The following RELN variants were observed in gnomAD, a reference collection of about 807,000 sequenced individuals.
RELN encodes the protein reelin.
RELN carries 108 observed loss-of-function variants against 427.6 expected under a neutral mutation model. The observed-to-expected ratio is 0.25, with a 90% CI of 0.22 to 0.30. The LOEUF is 0.30. Ranked by LOEUF, RELN falls within the 10% of genes least tolerant of loss-of-function variation. RELN has a pLI of 1.00. For missense variants in RELN, 3,715 were observed against 4,302.8 expected, an observed-to-expected ratio of 0.86 and a Z score of 3.82; for synonymous variants, 1,524 against 1,513.4, an observed-to-expected ratio of 1.01 and a Z score of -0.16.
chr7:103,496,856 T>C, intron 55 of RELN, 88 bp from the exon 56 acceptor site: 1 of 1,487,530 alleles, frequency 6.7e-7, no homozygotes. Flanking sequence ...TACTGTGAAC[T>C]TCCCAAAGAA....
intron 4 of RELN, among the ~76,000 whole-genome samples, chr7:103,759,033 A>C (rs141302080): frequency 2.6e-5 from 4 of 152,228 alleles, no homozygotes; most frequent in African/African-American, 9.6e-5. Flanking sequence ...AGATTTCTAA[A>C]ATTAATAAGC....
chr7:103,835,522 T>C (rs533375843), intron 2 of RELN, among the ~76,000 whole-genome samples: 1 of 152,284 alleles, frequency 6.6e-6, no homozygotes, highest in South Asian at 2.1e-4. Context: ...ATGTTGACGG[T>C]AGGGGAGGTT....
intron 6 of RELN, among the ~76,000 whole-genome samples, chr7:103,734,719 T>G (rs1259984248): frequency 6.6e-6 from 1 of 152,178 alleles, no homozygotes; most frequent in African/African-American, 2.4e-5. Flanking sequence ...GCCTGATTTC[T>G]TATCCAATAT....
chr7:103,636,766 G>A (rs931949060), intron 17 of RELN, among the ~76,000 whole-genome samples: 37 of 152,218 alleles, frequency 2.4e-4, no homozygotes, highest in African/African-American at 8.7e-4. Flanking sequence ...TAGAATATCT[G>A]TAAAAGGTTT....
At position 103,603,209 on chromosome 7, in the gene RELN, ACAATAGAAC is replaced by A; in HGVS notation, c.3333+86_3333+94del. 2.9e-6 allele frequency: 3 copies of A among 1,035,322 alleles called. No individual in the cohort carries two copies. The highest frequency in any genetic ancestry group is 4.6e-6 in the Non-Finnish European group (3 of 655,186). The allele number at this position is 1,035,322 out of a possible 1,614,324, so 64.1% of individuals were successfully genotyped here. On this transcript the variant is annotated intron_variant, in intron 24 of 64. Transcript: ENST00000428762. The surrounding 1 kb of genome is among the most constrained non-coding windows in gnomAD (Gnocchi z 4.3). ...CACTCAAAAGCGGGGAACGTGGGGA[ACAATAGAAC>A]CACTTCATATTTGTACATTTGGAAT...
chr7:103,795,672 G>C (rs1251944436), intron 3 of RELN, among the ~76,000 whole-genome samples: 1 of 152,150 alleles, frequency 6.6e-6, no homozygotes. Flanking sequence ...CAGGTTAAAG[G>C]TATAGTCAAA....
intron 1 of RELN, among the ~76,000 whole-genome samples, chr7:103,940,941 C>T (rs1363997303): frequency 1.3e-5 from 2 of 152,154 alleles, no homozygotes. Context: ...TCCATCCAAG[C>T]CTGGAAACTT....
chr7:103,731,310 T>C (rs1790347700), intron 6 of RELN, among the ~76,000 whole-genome samples: 1 of 152,000 alleles, frequency 6.6e-6, no homozygotes, highest in African/African-American at 2.4e-5. Context: ...AGCTGAACTG[T>C]TAGTTCAGTG....
intron 1 of RELN, among the ~76,000 whole-genome samples, chr7:103,924,719 T>C (rs1795687827): frequency 6.6e-6 from 1 of 152,198 alleles, no homozygotes; most frequent in African/African-American, 2.4e-5. Flanking sequence ...AGTCTTATTT[T>C]CTGGCACCAC....
intron 2 of RELN, among the ~76,000 whole-genome samples, chr7:103,858,031 C>T (rs555880353): frequency 6.6e-6 from 1 of 151,962 alleles, no homozygotes; most frequent in South Asian, 2.1e-4. Flanking sequence ...CTTCAAATCC[C>T]CTTCTATGTC....
intron 2 of RELN, among the ~76,000 whole-genome samples, chr7:103,900,703 C>T (rs1168628504): frequency 6.6e-6 from 1 of 152,142 alleles, no homozygotes; most frequent in Non-Finnish European, 1.5e-5. Flanking sequence ...CTCCAACCAT[C>T]TGATCTTTGA....
Position 103,650,331 on chromosome 7 carries a change from T to C in RELN, c.1945A>G (p.Arg649Gly). 1 of 1,613,166 alleles carries C rather than the reference T, an allele frequency of 6.2e-7. No homozygotes were observed. Among genetic ancestry groups the C allele is most frequent in the Non-Finnish European group, 8.5e-7 (1 of 1,179,396 alleles). The change falls in exon 16 of 65, where the codon AGG becomes GGG. Residue 649 changes from arginine (R) to glycine (G), a missense_variant. Coordinates refer to ENST00000428762, the MANE Select transcript of RELN (RefSeq NM_005045.4). ...LPNAALTRNT[R>G]IRWRQTGPIL... ...GGTCCTGTTTGTCTCCAGCGAATCC[T>C]GGTGTTCCGGGTTAGTGCTGCGTTA...
At chr7:103,673,893 C>T (rs117747960) in intron 11 of RELN, among the ~76,000 whole-genome samples, 3,209 of 151,236 alleles carry the variant, frequency 0.021, 46 homozygotes, top group Non-Finnish European at 0.031. Context: ...AACACTTTCA[C>T]TCATAGCCAC....
intron 50 of RELN, among the ~76,000 whole-genome samples, chr7:103,512,206 TAAAC>T (rs1829442692): frequency 1.3e-5 from 2 of 152,192 alleles, no homozygotes; most frequent in Admixed American, 6.5e-5. Flanking sequence ...TTTAATTAGA[TAAAC>T]AAATGATTTT....
chr7:103,909,272 T>C (rs570769048), intron 2 of RELN, among the ~76,000 whole-genome samples: 3 of 152,178 alleles, frequency 2.0e-5, no homozygotes, highest in African/African-American at 7.2e-5. Context: ...AAGTTTGTAA[T>C]AGGTTCTACT....
chr7:103,915,251 T>C (rs1421314473), intron 2 of RELN, among the ~76,000 whole-genome samples: 1 of 152,116 alleles, frequency 6.6e-6, no homozygotes, highest in Non-Finnish European at 1.5e-5. Flanking sequence ...TCAAATACCA[T>C]TTCCTCAGGA....
intron 31 of RELN, among the ~76,000 whole-genome samples, chr7:103,571,913 T>G (rs1376033872): frequency 6.6e-6 from 1 of 152,114 alleles, no homozygotes; most frequent in Non-Finnish European, 1.5e-5. Flanking sequence ...TCCCTGCGGA[T>G]AGTATAAAGG....
Position 103,824,157 on chromosome 7 carries a change from C to T in RELN, c.473+9380G>A, listed in dbSNP as rs1176403240. ...ATCTTGCTTAGATAGAAAACACACA[C>T]ATCTTCCTCAGTTCTAGAAAAATTT... On this transcript the variant is annotated intron_variant, in intron 3 of 64. Transcript: ENST00000428762. This position sits in a 1 kb window ranked among gnomAD's most constrained non-coding sequence, Gnocchi z 4.4. Among the ~76,000 whole-genome samples the T allele has an allele frequency of 6.6e-6, 1 of 152,056 alleles. No homozygotes were observed. Among genetic ancestry groups the T allele is most frequent in the Non-Finnish European group, 1.5e-5 (1 of 67,992 alleles).
At chr7:103,662,242 CA>C (rs1182870908) in intron 11 of RELN, among the ~76,000 whole-genome samples, 1 of 152,172 alleles carries the variant, frequency 6.6e-6, no homozygotes, top group Non-Finnish European at 1.5e-5. Context: ...GGACAGTATT[CA>C]AAGCCATGCA....
Sources: allele counts gnomAD v4.1 joint callset (sites outside exome capture counted in the v4.1 genomes callset), GRCh38; gene constraint gnomAD v4.1.1; non-coding constraint Gnocchi (gnomAD v3.1); transcripts MANE v1.5; gene names NCBI Gene and HGNC (gene_info 2026-07-23, HGNC 2026-07-21).